The following FBH1 variants were observed in gnomAD, a reference collection of about 807,000 sequenced individuals.
FBH1 encodes the protein F-box DNA helicase 1.
FBH1 carries 43 observed loss-of-function variants against 115.5 expected under a neutral mutation model. That is an observed-to-expected ratio of 0.37 (90% CI 0.29 to 0.48). The LOEUF (loss-of-function observed/expected upper bound fraction) is 0.48, where lower values mean the gene tolerates loss of function less well. FBH1 is among the 20% of genes least tolerant of loss of function. FBH1 has a pLI of 0.99. For missense variants in FBH1, 1,001 were observed against 1,337.3 expected, an observed-to-expected ratio of 0.75 and a Z score of 3.92; for synonymous variants, 524 against 507.8, an observed-to-expected ratio of 1.03 and a Z score of -0.43.
rs78587570 is a variant in FBH1, at chr10:5,906,645, T to C, written c.753+13T>C. 2,618 of 1,582,804 alleles carry C rather than the reference T, an allele frequency of 1.7e-3. 33 individuals are homozygous for C. In the African/African-American group the frequency reaches 0.029, roughly 17 times the overall value. ...CAGTGACCCGCTGGTGAGTGAGTGC[T>C]GGAGTCGGGAGATGTTTCCTCTAAA... is the stretch of plus-strand genomic sequence containing the variant. On this transcript the variant is annotated intron_variant, in intron 3 of 20. Transcript: ENST00000362091. This position sits in a 1 kb window ranked among gnomAD's most constrained non-coding sequence, Gnocchi z 7.3.
chr10:5,922,178 A>G (rs536109587), intron 15 of FBH1, among the ~76,000 whole-genome samples: 1 of 152,378 alleles, frequency 6.6e-6, no homozygotes, highest in South Asian at 2.1e-4. Flanking sequence ...CACTCAGTGA[A>G]TATAGTAGTG....
Position 5,923,671 on chromosome 10 carries a change from T to G in FBH1, c.2373T>G (p.Leu791=), listed in dbSNP as rs1258951174. ...LDRIIDIWIL[L]QPEEERRKQN... The stretch of plus-strand genomic sequence containing the variant: ...GAATCATTGATATTTGGATCCTTCT[T>G]CAGCCAGAGGAAGAACGGAGGAAAC... The change falls in exon 16 of 21, where the codon CTT becomes CTG. Residue 791 remains leucine (L), a synonymous_variant. Transcript: ENST00000362091. The surrounding 1 kb of genome is among the most constrained non-coding windows in gnomAD (Gnocchi z 5.7). 3 of 1,614,102 alleles carry G rather than the reference T, an allele frequency of 1.9e-6. No homozygotes were observed. The African/African-American group carries it at 4.0e-5, about 22-fold the overall frequency.
In FBH1 at chr10:5,906,191, T is replaced by G. The variant is rs756259058; in HGVS notation, c.312T>G (p.Pro104=). Residue 104 remains proline, a synonymous_variant, in exon 3 of 21, where the codon CCT becomes CCG. Coordinates refer to ENST00000362091, the MANE Select transcript of FBH1 (RefSeq NM_178150.3). The surrounding 1 kb of genome is among the most constrained non-coding windows in gnomAD (Gnocchi z 7.3). ...CTGCAGAGAGCAGCTGTGCACTGCC[T>G]CAGGAAGGCAGTGCAGGGCCGGGCT... ...IFPAESSCAL[P]QEGSAGPGSP... 1.2e-6 allele frequency: 2 copies of G among 1,613,682 alleles called. No individual in the cohort carries two copies. Among genetic ancestry groups the G allele is most frequent in the Non-Finnish European group, 1.7e-6 (2 of 1,179,700 alleles).
chr10:5,914,143 C>G lies in FBH1; in HGVS notation c.1305-35C>G, dbSNP rs1385297707. 1 of 1,599,324 alleles carries G rather than the reference C, an allele frequency of 6.3e-7. No homozygotes were observed. Among genetic ancestry groups the G allele is most frequent in the Non-Finnish European group, 8.6e-7 (1 of 1,166,944 alleles). On this transcript the variant is annotated intron_variant, in intron 7 of 20. Coordinates refer to ENST00000362091, the MANE Select transcript of FBH1 (RefSeq NM_178150.3). This position sits in a 1 kb window ranked among gnomAD's most constrained non-coding sequence, Gnocchi z 5.2. ...TATCCCCTGGACTTTTCACGTCTTT[C>G]TGTTTTTCTTACTTCTCTTTTGTAA... is the stretch of plus-strand genomic sequence containing the variant.
chr10:5,936,853 C>T lies in FBH1; in HGVS notation c.2962-257C>T. On this transcript the variant is annotated intron_variant, in intron 20 of 20. Transcript: ENST00000362091. The surrounding 1 kb of genome is among the most constrained non-coding windows in gnomAD (Gnocchi z 5.6). ...AGAGAGAGAGCTGTTCCCTGGGGTC[C>T]CAGCGCAGCTTTTCTTGGTTCTTTA... 1.7e-6 allele frequency: 1 copy of T among 586,986 alleles called. No individual in the cohort carries two copies. The highest frequency in any genetic ancestry group is 2.9e-5 in the East Asian group (1 of 34,566). 36.4% of individuals were successfully genotyped at this position (586,986 alleles called of 1,614,324 possible). A position where few individuals can be genotyped will look rare whatever the true frequency, so the allele number is the denominator to read the frequency against.
At chr10:5,890,775 C>T (rs189442789) in intron 1 of FBH1, among the ~76,000 whole-genome samples, 3 of 152,140 alleles carry the variant, frequency 2.0e-5, no homozygotes, top group Admixed American at 6.5e-5. Context: ...AGCTTCTCTG[C>T]CCCTCCTCTG....
At position 5,909,508 on chromosome 10, in the gene FBH1, A is replaced by G. The variant is rs189721299; in HGVS notation, c.1020+214A>G. On this transcript the variant is annotated intron_variant, in intron 5 of 20. Coordinates refer to ENST00000362091, the MANE Select transcript of FBH1 (RefSeq NM_178150.3). This position sits in a 1 kb window ranked among gnomAD's most constrained non-coding sequence, Gnocchi z 4.4. ...CTTAGATGTAGATGAAATTTTAACA[A>G]ATCATTTAGTCTGATTTCCCATTTG... The G allele has an allele frequency of 2.3e-3, 1,186 of 509,188 alleles. 13 individuals are homozygous for G. The highest frequency in any genetic ancestry group is 0.02 in the African/African-American group (1,040 of 51,520). 31.5% of individuals were successfully genotyped at this position (509,188 alleles called of 1,614,324 possible). A position where few individuals can be genotyped will look rare whatever the true frequency, so the allele number is the denominator to read the frequency against.
At chr10:5,927,409 A>AT (rs749893618) in intron 18 of FBH1, 26 bp from the exon 19 acceptor site, 5 of 1,554,884 alleles carry the variant, frequency 3.2e-6, no homozygotes, top group African/African-American at 1.4e-5. Context: ...TTTTTAGTTG[A>AT]TTTTTTTCCC....
chr10:5,923,593 CAAAA>C lies in FBH1; in HGVS notation c.2323-26_2323-23del. On this transcript the variant is annotated intron_variant, in intron 15 of 20. Transcript: ENST00000362091. The surrounding 1 kb of genome is among the most constrained non-coding windows in gnomAD (Gnocchi z 5.7). ...AACAAAACAAAAAACAACAAAAAAACAAAAATCCCACCAAAAAACTTTTTCAGGG... is the reference window on the plus strand; with the variant it reads ...AACAAAACAAAAAACAACAAAAAAACATCCCACCAAAAAACTTTTTCAGGG... 6.3e-7 allele frequency: 1 copy of C among 1,590,370 alleles called. No homozygotes were observed. The highest frequency in any genetic ancestry group is 1.1e-5 in the South Asian group (1 of 87,916).
chr10:5,891,071 G>A (rs1842692091), intron 1 of FBH1: 1 of 797,884 alleles, frequency 1.3e-6, no homozygotes. Context: ...TACAGGTGGG[G>A]AAGTGGAGGC....
intron 2 of FBH1, among the ~76,000 whole-genome samples, chr10:5,904,178 C>T (rs1330575647): frequency 5.9e-5 from 9 of 151,898 alleles, no homozygotes; most frequent in African/African-American, 1.9e-4. Flanking sequence ...CTTACAGGCG[C>T]GCGCCACCAT....
intron 15 of FBH1, among the ~76,000 whole-genome samples, chr10:5,922,246 A>G (rs558270532): frequency 1.3e-5 from 2 of 152,350 alleles, no homozygotes; most frequent in East Asian, 1.9e-4. Flanking sequence ...TAACAATGGT[A>G]TAGAAATTTT....
chr10:5,909,118 T>G lies in FBH1; in HGVS notation c.885-41T>G. On this transcript the variant is annotated intron_variant, in intron 4 of 20. Coordinates refer to ENST00000362091, the MANE Select transcript of FBH1 (RefSeq NM_178150.3). The surrounding 1 kb of genome is among the most constrained non-coding windows in gnomAD (Gnocchi z 4.4). Reference sequence around the variant, plus strand: ...AGTCTTCCTTGTACATCAGTGCTTATGGTCACCCTACTCATGGCCTCTCCT... The same window carrying G: ...AGTCTTCCTTGTACATCAGTGCTTAGGGTCACCCTACTCATGGCCTCTCCT... 6.2e-7 allele frequency: 1 copy of G among 1,613,528 alleles called. No homozygotes were observed. The highest frequency in any genetic ancestry group is 8.5e-7 in the Non-Finnish European group (1 of 1,179,812).
At chr10:5,896,024 A>G (rs1842984482) in intron 1 of FBH1, among the ~76,000 whole-genome samples, 1 of 152,178 alleles carries the variant, frequency 6.6e-6, no homozygotes, top group African/African-American at 2.4e-5. Context: ...GATTAAAAAA[A>G]GAAGCCAGGC....
In FBH1 at chr10:5,898,834, G is replaced by A. The variant is rs115758869; in HGVS notation, c.2-4186G>A. The stretch of plus-strand genomic sequence containing the variant: ...TGGCCCCACGCTATCTACATACAGA[G>A]TTACAGCAGTGAACCAGGTGGGCTA... On this transcript the variant is annotated intron_variant, in intron 1 of 20. Transcript: ENST00000362091. Among the ~76,000 whole-genome samples the A allele has an allele frequency of 3.9e-3, 596 of 152,324 alleles. 4 individuals are homozygous for A. The highest frequency in any genetic ancestry group is 0.014 in the African/African-American group (567 of 41,576).
Position 5,917,001 on chromosome 10 carries a change from A to C in FBH1, c.1789-419A>C. 4.8e-6 allele frequency: 1 copy of C among 208,152 alleles called. No homozygotes were observed. Among genetic ancestry groups the C allele is most frequent in the South Asian group, 7.8e-5 (1 of 12,902 alleles). 12.9% of individuals were successfully genotyped at this position (208,152 alleles called of 1,614,324 possible). A position where few individuals can be genotyped will look rare whatever the true frequency, so the allele number is the denominator to read the frequency against. On this transcript the variant is annotated intron_variant, in intron 10 of 20. Coordinates refer to ENST00000362091, the MANE Select transcript of FBH1 (RefSeq NM_178150.3). This position sits in a 1 kb window ranked among gnomAD's most constrained non-coding sequence, Gnocchi z 5.6. ...TGGACCTCAAAACTGATCTTAACTG[A>C]AGGCTGGAATCTCTCCTGATTTTCT...
intron 19 of FBH1, among the ~76,000 whole-genome samples, chr10:5,927,769 C>T (rs1162068395): frequency 6.6e-6 from 1 of 152,088 alleles, no homozygotes; most frequent in Non-Finnish European, 1.5e-5. Flanking sequence ...TTAAAAAGCT[C>T]TGTTTAAGAT....
chr10:5,913,334 G>A lies in FBH1; in HGVS notation c.1212-413G>A, dbSNP rs1285260280. Among the ~76,000 whole-genome samples, 1 of 131,662 alleles carries A rather than the reference G, an allele frequency of 7.6e-6. No individual in the cohort carries two copies. The highest frequency in any genetic ancestry group is 2.4e-4 in the South Asian group (1 of 4,124). The allele number at this position is 131,662 out of a possible 152,430, so 86.4% of individuals were successfully genotyped here. A position where few individuals can be genotyped will look rare whatever the true frequency, so the allele number is the denominator to read the frequency against. On this transcript the variant is annotated intron_variant, in intron 6 of 20. Transcript: ENST00000362091. This position sits in a 1 kb window ranked among gnomAD's most constrained non-coding sequence, Gnocchi z 4.4. ...AAGAGGTAGACAGTGGAGCGACCGA[G>A]GCTCAGAAAGAGGCTGGTGTTTTAT...
rs1768362712 is a variant in FBH1, at chr10:5,911,583, G to T, written c.1211+455G>T. On this transcript the variant is annotated intron_variant, in intron 6 of 20. Transcript: ENST00000362091. The surrounding 1 kb of genome is among the most constrained non-coding windows in gnomAD (Gnocchi z 5.4). ...CACAGGGGCCCCGATGGTTTCCTCA[G>T]CAGGGTGGGGAGTGCCTGGGGGGTT... Among the ~76,000 whole-genome samples the T allele has an allele frequency of 1.3e-5, 2 of 152,194 alleles. No homozygotes were observed. The highest frequency in any genetic ancestry group is 2.9e-5 in the Non-Finnish European group (2 of 68,032).
Sources: allele counts gnomAD v4.1 joint callset (sites outside exome capture counted in the v4.1 genomes callset), GRCh38; gene constraint gnomAD v4.1.1; non-coding constraint Gnocchi (gnomAD v3.1); transcripts MANE v1.5; gene names NCBI Gene and HGNC (gene_info 2026-07-23, HGNC 2026-07-21).